Variants in CIRSR observed in about 807,000 individuals in gnomAD.
CIRSR encodes the protein corepressor of RBPJ and splicing regulator.
At chr2:174,379,727 T>C in the CIRSR span, among the ~76,000 whole-genome samples, 1 of 141,838 alleles carries the variant, frequency 7.1e-6, no homozygotes, top group Non-Finnish European at 1.5e-5. Context: ...TTTTTTTTTT[T>C]TTTTTTTTTT....
At chr2:174,369,891 A>T in the CIRSR span, 1 of 1,256,906 alleles carries the variant, frequency 8.0e-7, no homozygotes, top group Middle Eastern at 2.2e-4. Flanking sequence ...ACAAGTTTGA[A>T]TTATTGCAAT....
the CIRSR span, among the ~76,000 whole-genome samples, chr2:174,363,770 A>C: frequency 6.6e-6 from 1 of 152,158 alleles, no homozygotes; most frequent in East Asian, 1.9e-4. Flanking sequence ...GTGAGACTTA[A>C]TCGCTGTCAC....
the CIRSR span, among the ~76,000 whole-genome samples, chr2:174,377,775 A>C: frequency 2.3e-5 from 3 of 131,842 alleles, no homozygotes; most frequent in African/African-American, 8.3e-5. Context: ...CAGTGAGCCG[A>C]GATTGCGCCA....
At chr2:174,382,556 T>C in the CIRSR span, among the ~76,000 whole-genome samples, 1 of 152,076 alleles carries the variant, frequency 6.6e-6, no homozygotes, top group Non-Finnish European at 1.5e-5. Context: ...GGAGAATCAC[T>C]TGAATGTGGG....
the CIRSR span, among the ~76,000 whole-genome samples, chr2:174,389,442 A>T: frequency 6.6e-6 from 1 of 152,186 alleles, no homozygotes; most frequent in South Asian, 2.1e-4. Flanking sequence ...GATCTGTGGA[A>T]CTTTGAACTT....
At chr2:174,392,068 G>A in the CIRSR span, among the ~76,000 whole-genome samples, 1 of 152,128 alleles carries the variant, frequency 6.6e-6, no homozygotes, top group Non-Finnish European at 1.5e-5. Flanking sequence ...CGCAATCTTG[G>A]CTCACTGCAA....
chr2:174,385,231 A>C, the CIRSR span, among the ~76,000 whole-genome samples: 1 of 151,526 alleles, frequency 6.6e-6, no homozygotes, highest in Non-Finnish European at 1.5e-5. Context: ...AAAAAAAAAA[A>C]AAAAAATTTT....
the CIRSR span, among the ~76,000 whole-genome samples, chr2:174,370,806 G>C: frequency 1.3e-5 from 2 of 151,784 alleles, no homozygotes; most frequent in Non-Finnish European, 2.9e-5. Flanking sequence ...AGCTACTTGG[G>C]AGGCTGAGGC....
the CIRSR span, chr2:174,351,944 T>A: frequency 4.7e-5 from 18 of 380,178 alleles, no homozygotes; most frequent in Non-Finnish European, 6.6e-5. Flanking sequence ...GCAAGGGGAG[T>A]CTTCTTATGT....
At chr2:174,395,528 C>T in the CIRSR span, 1 of 1,612,400 alleles carries the variant, frequency 6.2e-7, no homozygotes, top group Admixed American at 1.7e-5. Context: ...GGGCCTAATC[C>T]CTCCCCGGGT....
chr2:174,350,892 A>T, the CIRSR span: 1 of 612,038 alleles, frequency 1.6e-6, no homozygotes, highest in Non-Finnish European at 2.7e-6. Flanking sequence ...GGAGAGAATT[A>T]AAAAATTTTT....
chr2:174,367,414 C>T, the CIRSR span, among the ~76,000 whole-genome samples: 3 of 152,118 alleles, frequency 2.0e-5, no homozygotes, highest in South Asian at 2.1e-4. Flanking sequence ...CCCGTCTCTA[C>T]TAAAACTACA....
chr2:174,380,834 T>C, the CIRSR span: 1 of 1,574,296 alleles, frequency 6.4e-7, no homozygotes, highest in African/African-American at 1.4e-5. Flanking sequence ...ATATCAAAAA[T>C]ATGGAAGAAA....
the CIRSR span, among the ~76,000 whole-genome samples, chr2:174,367,399 G>GAAA: frequency 6.6e-6 from 1 of 152,098 alleles, no homozygotes; most frequent in African/African-American, 2.4e-5. Flanking sequence ...CTAACACAGT[G>GAAA]AAACCCCGTC....
the CIRSR span, chr2:174,370,055 T>G: frequency 7.4e-7 from 1 of 1,359,306 alleles, no homozygotes; most frequent in Non-Finnish European, 9.8e-7. Flanking sequence ...AAATAAGGCA[T>G]GCCTGCATTA....
chr2:174,381,794 A>C, the CIRSR span: 421 of 1,534,824 alleles, frequency 2.7e-4, no homozygotes, highest in Non-Finnish European at 3.5e-4. Context: ...GAAACAAGAC[A>C]AAGTTAACGA....
the CIRSR span, among the ~76,000 whole-genome samples, chr2:174,356,191 C>G: frequency 2.6e-5 from 4 of 152,022 alleles, no homozygotes; most frequent in African/African-American, 9.7e-5. Context: ...CCTGGCCAGG[C>G]GCAGTGGCTC....
At chr2:174,392,300 G>T in the CIRSR span, among the ~76,000 whole-genome samples, 4 of 152,222 alleles carry the variant, frequency 2.6e-5, no homozygotes, top group African/African-American at 9.6e-5. Context: ...CCCAGCGGGG[G>T]TTTCTTTTTG....
At chr2:174,371,018 TG>T in the CIRSR span, among the ~76,000 whole-genome samples, 1 of 151,640 alleles carries the variant, frequency 6.6e-6, no homozygotes, top group Admixed American at 6.6e-5. Flanking sequence ...GCAAAGAAAA[TG>T]GTATTAAAAC....
Sources: allele counts gnomAD v4.1 joint callset (sites outside exome capture counted in the v4.1 genomes callset), GRCh38; gene constraint gnomAD v4.1.1; transcripts MANE v1.5; gene names NCBI Gene and HGNC (gene_info 2026-07-23, HGNC 2026-07-21).